SLAMF8: variants seen among roughly 807,000 people sequenced by gnomAD.
The protein encoded by SLAMF8 is SLAM family member 8.
Under a neutral mutation model 29.0 loss-of-function variants are expected in SLAMF8, and 23 were observed. The ratio of observed to expected loss-of-function variants is 0.79; its 90% confidence interval spans 0.57 to 1.13. SLAMF8 has a LOEUF of 1.13. SLAMF8 is among the 50% of genes most tolerant of loss of function. The probability of loss-of-function intolerance (pLI) is 0.00; values close to 1 mark genes in which losing one functional copy is unlikely to be tolerated. For synonymous variants in SLAMF8, 139 were observed against 145.6 expected, an observed-to-expected ratio of 0.96 and a Z score of 0.32; for missense variants, 381 against 353.1, an observed-to-expected ratio of 1.08 and a Z score of -0.63.
intron 1 of SLAMF8, among the ~76,000 whole-genome samples, chr1:159,828,533 G>T (rs1436302610): frequency 6.6e-6 from 1 of 152,152 alleles, no homozygotes; most frequent in Non-Finnish European, 1.5e-5. Flanking sequence ...CATAGGGTCA[G>T]TCCTCAGCAG....
chr1:159,827,060 T>A, intron 1 of SLAMF8, 122 bp downstream of exon 1: 1 of 1,159,896 alleles, frequency 8.6e-7, no homozygotes, highest in Non-Finnish European at 1.2e-6. Context: ...TGAGGGTGGG[T>A]AGGAAAGACT....
chr1:159,834,077 C>T (rs950627662), intron 4 of SLAMF8, among the ~76,000 whole-genome samples: 1 of 152,212 alleles, frequency 6.6e-6, no homozygotes, highest in Non-Finnish European at 1.5e-5. Flanking sequence ...GTTCTAAGCT[C>T]TACATACAGC....
At position 159,833,313 on chromosome 1, in the gene SLAMF8, C is replaced by T. The variant is rs548898106; in HGVS notation, c.725C>T (p.Ser242Leu). The T allele has an allele frequency of 6.2e-6, 10 of 1,614,168 alleles. No homozygotes were observed. The highest frequency in any genetic ancestry group is 4.5e-5 in the East Asian group (2 of 44,878). Residue 242 changes from serine (S) to leucine (L), a missense_variant, in exon 4 of 5, where the codon TCG becomes TTG. Ser to Leu is a moderately radical substitution (Grantham distance 145). Coordinates refer to ENST00000289707, the MANE Select transcript of SLAMF8 (RefSeq NM_020125.3). ...KDVLLVVVPV[S>L]LLLMLVTLFS... ...GTGCTGCTGGTGGTGGTGCCTGTCTCGCTGCTCCTGATGCTGGTTACTCTC... is the reference window on the plus strand; with the variant it reads ...GTGCTGCTGGTGGTGGTGCCTGTCTTGCTGCTCCTGATGCTGGTTACTCTC...
In SLAMF8 at chr1:159,828,376, G is replaced by A. The variant is rs957196562; in HGVS notation, c.40+1438G>A. Among the ~76,000 whole-genome samples the A allele has an allele frequency of 3.3e-5, 5 of 152,234 alleles. No homozygotes were observed. In the East Asian group the frequency reaches 7.7e-4, roughly 23 times the overall value. ...CATTAACACTGAAGTCATCTCCAGT[G>A]TGAGAGGAGGTTGTTGGGCCTGGAG... On this transcript the variant is annotated intron_variant, in intron 1 of 4. Transcript: ENST00000289707.
rs74124727 is a variant in SLAMF8, at chr1:159,836,101, C to T, written c.*841C>T. 1.2e-3 allele frequency: 1,212 copies of T among 985,452 alleles called. 12 individuals carry two copies. The African/African-American group carries it at 0.02, about 16-fold the overall frequency. 61.0% of individuals were successfully genotyped at this position (985,452 alleles called of 1,614,324 possible). On this transcript the variant is annotated 3_prime_UTR_variant, in exon 5 of 5. Transcript: ENST00000289707. Reference sequence around the variant, plus strand: ...AATTTGCCCCAGCCAACAGGACGTTCTTGCACAACTTCAAGAAAAGCAGCT... The same window carrying T: ...AATTTGCCCCAGCCAACAGGACGTTTTTGCACAACTTCAAGAAAAGCAGCT...
chr1:159,826,943 G>A lies in SLAMF8; in HGVS notation c.40+5G>A, dbSNP rs556550166. 6 of 1,614,138 alleles carry A rather than the reference G, an allele frequency of 3.7e-6. No homozygotes were observed. The highest frequency in any genetic ancestry group is 2.7e-5 in the African/African-American group (2 of 75,062). On this transcript the variant is annotated splice_donor_5th_base_variant and intron_variant, in intron 1 of 4. Transcript: ENST00000289707. The stretch of plus-strand genomic sequence containing the variant: ...GGAGTCTGCTTCTCTGGGAAGGTAA[G>A]TGGGGCAGGCAGATAGCCTGTCCTC...
chr1:159,831,809 A>G (rs1323913467), intron 2 of SLAMF8, among the ~76,000 whole-genome samples: 1 of 152,230 alleles, frequency 6.6e-6, no homozygotes, highest in Non-Finnish European at 1.5e-5. Context: ...AGTTACTAGA[A>G]ATGTCAATGG....
rs1267669878 is a variant in SLAMF8, at chr1:159,832,993, A to G, written c.485A>G (p.Tyr162Cys). Reference sequence around the variant, plus strand: ...GCCCCCAACATCAGCGAAATAACCTATAGCTGGCGACGGGAGACAACCATG... The same window carrying G: ...GCCCCCAACATCAGCGAAATAACCTGTAGCTGGCGACGGGAGACAACCATG... ...CWAPNISEIT[Y>C]SWRRETTMDF... is the part of the protein sequence containing the mutation. The change falls in exon 3 of 5, where the codon TAT (tyrosine) becomes TGT (cysteine). Residue 162 changes from tyrosine (Y) to cysteine (C), a missense_variant. By Grantham distance (194) the Tyr-to-Cys change is radical (BLOSUM62 -2). Coordinates refer to ENST00000289707, the MANE Select transcript of SLAMF8 (RefSeq NM_020125.3). The G allele has an allele frequency of 6.2e-7, 1 of 1,614,238 alleles. No homozygotes were observed. The highest frequency in any genetic ancestry group is 8.5e-7 in the Non-Finnish European group (1 of 1,180,032).
chr1:159,834,197 G>A (rs1419221806), intron 4 of SLAMF8, among the ~76,000 whole-genome samples: 1 of 152,242 alleles, frequency 6.6e-6, no homozygotes, highest in African/African-American at 2.4e-5. Flanking sequence ...TTGTCCCAAG[G>A]TGGAGAAAGG....
At position 159,835,971 on chromosome 1, in the gene SLAMF8, A is replaced by T; in HGVS notation, c.*711A>T. 4.1e-6 allele frequency: 4 copies of T among 985,420 alleles called. No individual in the cohort carries two copies. Among genetic ancestry groups the T allele is most frequent in the Non-Finnish European group, 4.8e-6 (4 of 829,954 alleles). The allele number at this position is 985,420 out of a possible 1,614,324, so 61.0% of individuals were successfully genotyped here. On this transcript the variant is annotated 3_prime_UTR_variant, in exon 5 of 5. Transcript: ENST00000289707. ...TGCAGGAAACACCATATTAATAGAC[A>T]TCCTCACCATCTCCATCCGCTCTCA...
rs1428933680 is a variant in SLAMF8 at position 159,832,957 on chromosome 1, T to C, written c.449T>C (p.Leu150Ser). 6.2e-7 allele frequency: 1 copy of C among 1,614,226 alleles called. No homozygotes were observed. The highest frequency in any genetic ancestry group is 8.5e-7 in the Non-Finnish European group (1 of 1,180,032). Residue 150 changes from leucine (L) to serine (S), a missense_variant, in exon 3 of 5, where the codon TTG (leucine) becomes TCG (serine). Transcript: ENST00000289707. ...AQPSKTCQVF[L>S]SCWAPNISEI... ...CCCTCCAAGACCTGCCAGGTTTTCT[T>C]GTCCTGTTGGGCCCCCAACATCAGC... is the stretch of plus-strand genomic sequence containing the variant.
chr1:159,833,942 C>T (rs1022426828), intron 4 of SLAMF8, among the ~76,000 whole-genome samples: 5 of 152,174 alleles, frequency 3.3e-5, no homozygotes, highest in Non-Finnish European at 5.9e-5. Context: ...TAAATGACTC[C>T]GAACCCCTTC....
chr1:159,837,344 ATGCTTTG>A lies in SLAMF8; in HGVS notation c.*2086_*2092del. On this transcript the variant is annotated 3_prime_UTR_variant, in exon 5 of 5. Coordinates refer to ENST00000289707, the MANE Select transcript of SLAMF8 (RefSeq NM_020125.3). ...TTTGTGCTAATGAGCATTGAGACTG[ATGCTTTG>A]TAAGTCACACCACAACAAATATTGA... The A allele has an allele frequency of 1.0e-6, 1 of 973,736 alleles. No homozygotes were observed. The highest frequency in any genetic ancestry group is 1.2e-6 in the Non-Finnish European group (1 of 819,190). The allele number at this position is 973,736 out of a possible 1,614,324, so 60.3% of individuals were successfully genotyped here.
At chr1:159,833,436 G>A (rs1647652284) in intron 4 of SLAMF8, 67 bp downstream of exon 4, 6 of 1,607,990 alleles carry the variant, frequency 3.7e-6, no homozygotes, top group Middle Eastern at 1.8e-4. Flanking sequence ...GGGGGTCTTG[G>A]ACCTCCTCCT....
At chr1:159,833,624 C>T (rs1468205634) in intron 4 of SLAMF8, among the ~76,000 whole-genome samples, 4 of 152,170 alleles carry the variant, frequency 2.6e-5, no homozygotes, top group Non-Finnish European at 5.9e-5. Flanking sequence ...TTCCCTCTGC[C>T]TGGAACACAC....
intron 1 of SLAMF8, among the ~76,000 whole-genome samples, chr1:159,828,264 T>C (rs546320740): frequency 3.4e-4 from 51 of 152,090 alleles, no homozygotes; most frequent in Middle Eastern, 3.4e-3. Flanking sequence ...AGCTGATCTG[T>C]GGCAGCACCA....
Position 159,837,096 on chromosome 1 carries a change from A to G in SLAMF8, c.*1836A>G. The G allele has an allele frequency of 1.0e-6, 1 of 985,448 alleles. No homozygotes were observed. The highest frequency in any genetic ancestry group is 1.2e-6 in the Non-Finnish European group (1 of 829,948). 61.0% of individuals were successfully genotyped at this position (985,448 alleles called of 1,614,324 possible). ...TCGTTCATCTCCAGGGCCCCACCTC[A>G]GATCAAAGCAGCTCTGGATGAGATG... On this transcript the variant is annotated 3_prime_UTR_variant, in exon 5 of 5. Transcript: ENST00000289707.
In SLAMF8 at chr1:159,835,668, T is replaced by C. The variant is rs1347017801; in HGVS notation, c.*408T>C. 1.1e-5 allele frequency: 11 copies of C among 993,738 alleles called. No individual in the cohort carries two copies. Among genetic ancestry groups the C allele is most frequent in the Non-Finnish European group, 1.3e-5 (11 of 835,376 alleles). The allele number at this position is 993,738 out of a possible 1,614,324, so 61.6% of individuals were successfully genotyped here. On this transcript the variant is annotated 3_prime_UTR_variant, in exon 5 of 5. Coordinates refer to ENST00000289707, the MANE Select transcript of SLAMF8 (RefSeq NM_020125.3). Reference sequence around the variant, plus strand: ...AGCCTGAGTCCTAGGCTCTAAAAGATATTACATATTTGAACTAATAGAGGA... The same window carrying C: ...AGCCTGAGTCCTAGGCTCTAAAAGACATTACATATTTGAACTAATAGAGGA...
chr1:159,829,344 C>T (rs949463345), intron 1 of SLAMF8, among the ~76,000 whole-genome samples: 2 of 152,176 alleles, frequency 1.3e-5, no homozygotes, highest in East Asian at 3.9e-4. Context: ...TGACTCCTAC[C>T]AACTCTGCAG....
Sources: allele counts gnomAD v4.1 joint callset (sites outside exome capture counted in the v4.1 genomes callset), GRCh38; gene constraint gnomAD v4.1.1; transcripts MANE v1.5; gene names NCBI Gene and HGNC (gene_info 2026-07-23, HGNC 2026-07-21).